DIAPH2: variants seen among roughly 807,000 people sequenced by gnomAD.
The protein encoded by DIAPH2 is diaphanous related formin 2.
A neutral mutation model predicts 92.7 loss-of-function variants in DIAPH2; 35 were observed. The ratio of observed to expected loss-of-function variants is 0.38; its 90% CI spans 0.29 to 0.50. DIAPH2 has a LOEUF of 0.50. Ranked by LOEUF, DIAPH2 falls within the 20% of genes least tolerant of loss-of-function variation. DIAPH2 has a pLI of 0.94. For synonymous variants in DIAPH2, 301 were observed against 280.4 expected (o/e 1.07, Z -0.73); for missense variants, 701 against 819.5 (o/e 0.86, Z 1.77).
chrX:97,483,628 C>G (rs1406971523), intron 26 of DIAPH2, among the ~76,000 whole-genome samples: 1 of 112,081 alleles, frequency 8.9e-6, no homozygotes, highest in African/African-American at 3.2e-5. Flanking sequence ...TTACCTTTCT[C>G]TCTTTTCTTC....
chrX:96,711,750 T>A (rs1285924955), intron 1 of DIAPH2, among the ~76,000 whole-genome samples: 1 of 111,296 alleles, frequency 9.0e-6, no homozygotes, highest in Non-Finnish European at 1.9e-5. Flanking sequence ...CTTTTTTTTT[T>A]ACTTTTTTTC....
At chrX:97,282,125 T>C (rs764907915) in intron 23 of DIAPH2, among the ~76,000 whole-genome samples, 87 of 111,483 alleles carry the variant, frequency 7.8e-4, no homozygotes, top group East Asian at 5.4e-3. Context: ...TGTCAAATTA[T>C]ACCCTCAGAG....
chrX:97,509,133 G>T (rs1241332905), intron 26 of DIAPH2, among the ~76,000 whole-genome samples: 1 of 109,050 alleles, frequency 9.2e-6, no homozygotes, highest in Admixed American at 9.9e-5. Flanking sequence ...TGCAACCTCC[G>T]CCTCCCAGGT....
At chrX:96,935,897 C>CAT (rs1292604100) in intron 10 of DIAPH2, among the ~76,000 whole-genome samples, 2 of 111,755 alleles carry the variant, frequency 1.8e-5, no homozygotes, top group African/African-American at 6.5e-5. Context: ...AAGAATAAGA[C>CAT]ATACTGTAAA....
At chrX:97,124,632 A>AT (rs1473762236) in intron 21 of DIAPH2, among the ~76,000 whole-genome samples, 11 of 111,340 alleles carry the variant, frequency 9.9e-5, no homozygotes, top group Non-Finnish European at 1.7e-4. Context: ...GACTCATGGG[A>AT]TTTTTTTCTA....
chrX:96,774,849 T>C (rs6620163), intron 4 of DIAPH2, among the ~76,000 whole-genome samples: 11,566 of 111,764 alleles, frequency 0.1, 541 homozygotes, highest in East Asian at 0.32. Flanking sequence ...TAATACACTT[T>C]AGACATTTTT....
intron 22 of DIAPH2, among the ~76,000 whole-genome samples, chrX:97,155,699 T>C: frequency 9.0e-6 from 1 of 111,405 alleles, no homozygotes; most frequent in Admixed American, 9.6e-5. Flanking sequence ...TTATGAAAAA[T>C]GCACTGAGGA....
chrX:97,546,727 T>C (rs2147860524), intron 26 of DIAPH2, among the ~76,000 whole-genome samples: 1 of 110,646 alleles, frequency 9.0e-6, no homozygotes, highest in Admixed American at 9.6e-5. Context: ...TCCCAGCTAC[T>C]CGGGAGGCTG....
chrX:97,050,643 G>A (rs750657844), intron 17 of DIAPH2, among the ~76,000 whole-genome samples: 26 of 110,051 alleles, frequency 2.4e-4, no homozygotes, highest in Middle Eastern at 9.3e-3. Flanking sequence ...TAAGGGAACA[G>A]AAGAACTTTG....
At chrX:97,540,467 G>C (rs960296524) in intron 26 of DIAPH2, among the ~76,000 whole-genome samples, 6 of 112,129 alleles carry the variant, frequency 5.4e-5, no homozygotes, top group African/African-American at 1.9e-4. Flanking sequence ...AACCAGATTT[G>C]AATAGTTTTT....
At chrX:97,088,417 G>T (rs931905511) in intron 19 of DIAPH2, among the ~76,000 whole-genome samples, 8 of 112,408 alleles carry the variant, frequency 7.1e-5, no homozygotes, top group African/African-American at 9.7e-5. Context: ...TGCATGTGAT[G>T]CAGACATTCT....
chrX:97,312,849 T>C (rs1343819879), intron 23 of DIAPH2, among the ~76,000 whole-genome samples: 3 of 111,049 alleles, frequency 2.7e-5, no homozygotes, highest in African/African-American at 9.8e-5. Context: ...TGGACACTTC[T>C]GAGCTAGTCA....
chrX:97,125,860 C>A (rs1423731309), intron 21 of DIAPH2, among the ~76,000 whole-genome samples: 1 of 111,941 alleles, frequency 8.9e-6, no homozygotes, highest in Non-Finnish European at 1.9e-5. Context: ...GAATACTCCT[C>A]TAGTTAACAA....
At chrX:96,900,813 C>A (rs755079015) in intron 5 of DIAPH2, among the ~76,000 whole-genome samples, 1 of 111,947 alleles carries the variant, frequency 8.9e-6, no homozygotes, top group East Asian at 2.8e-4. Flanking sequence ...GGGATGAAAC[C>A]CACTTGATTC....
chrX:96,787,445 A>T (rs1469972718), intron 4 of DIAPH2, among the ~76,000 whole-genome samples: 1 of 110,997 alleles, frequency 9.0e-6, no homozygotes, highest in African/African-American at 3.3e-5. Context: ...ATTAAAAGTA[A>T]TTTCAAGCTT....
At chrX:97,260,418 A>G (rs1325763933) in intron 23 of DIAPH2, among the ~76,000 whole-genome samples, 1 of 112,377 alleles carries the variant, frequency 8.9e-6, no homozygotes, top group Non-Finnish European at 1.9e-5. Context: ...ATAATACTTG[A>G]GCTGAGATCT....
At chrX:97,111,473 CTG>C (rs1378855921) in intron 20 of DIAPH2, among the ~76,000 whole-genome samples, 1 of 112,088 alleles carries the variant, frequency 8.9e-6, no homozygotes, top group African/African-American at 3.2e-5. Context: ...AGGTGACAAA[CTG>C]TACCAAATTA....
intron 20 of DIAPH2, among the ~76,000 whole-genome samples, chrX:97,110,844 A>G (rs1017160835): frequency 1.8e-5 from 2 of 110,928 alleles, no homozygotes; most frequent in African/African-American, 3.3e-5. Flanking sequence ...TTAGCCGGGC[A>G]TGGTGGCGGC....
At chrX:97,193,804 T>G (rs966403988) in intron 22 of DIAPH2, among the ~76,000 whole-genome samples, 3 of 112,458 alleles carry the variant, frequency 2.7e-5, no homozygotes, top group Non-Finnish European at 5.6e-5. Flanking sequence ...TTGCTTTCTC[T>G]GCTGGAAGTA....
Sources: allele counts gnomAD v4.1 joint callset (sites outside exome capture counted in the v4.1 genomes callset), GRCh38; gene constraint gnomAD v4.1.1; transcripts MANE v1.5; gene names NCBI Gene and HGNC (gene_info 2026-07-23, HGNC 2026-07-21).